LSAMP: variants seen among roughly 807,000 people sequenced by gnomAD.
The protein encoded by LSAMP is limbic system-associated membrane protein.
A neutral mutation model predicts 38.6 loss-of-function variants in LSAMP; 7 were observed. The observed-to-expected ratio is 0.18, with a 90% confidence interval of 0.10 to 0.34. The LOEUF (loss-of-function observed/expected upper bound fraction) is 0.34. Among genes scored for constraint, LSAMP ranks in the 10% least tolerant of loss-of-function variants. The probability of loss-of-function intolerance (pLI) is 1.00; values close to 1 mark genes in which losing one functional copy is unlikely to be tolerated. For synonymous variants in LSAMP, 154 were observed against 166.8 expected (o/e 0.92, Z 0.59); for missense variants, 313 against 420.0 (o/e 0.75, Z 2.23).
intron 1 of LSAMP, among the ~76,000 whole-genome samples, chr3:116,243,708 T>C (rs2046568906): frequency 6.6e-6 from 1 of 152,198 alleles, no homozygotes. Flanking sequence ...TGTGCAGCTA[T>C]CACCTTTATT....
chr3:116,251,096 C>T (rs2046678810), intron 1 of LSAMP, among the ~76,000 whole-genome samples: 2 of 152,114 alleles, frequency 1.3e-5, no homozygotes, highest in South Asian at 4.1e-4. Context: ...TATGCTGCCT[C>T]CTTGATAAGA....
At chr3:116,148,539 A>AC (rs2107524176) in intron 1 of LSAMP, among the ~76,000 whole-genome samples, 1 of 152,110 alleles carries the variant, frequency 6.6e-6, no homozygotes, top group African/African-American at 2.4e-5. Flanking sequence ...GGGGGCACAA[A>AC]CCAGTGATCA....
intron 3 of LSAMP, among the ~76,000 whole-genome samples, chr3:115,861,318 C>T (rs1576159441): frequency 1.3e-5 from 2 of 152,098 alleles, no homozygotes; most frequent in East Asian, 3.9e-4. Context: ...ACTCTCAGTG[C>T]CTGTTTCTTG....
At chr3:116,042,905 TC>T (rs1391445710) in intron 2 of LSAMP, among the ~76,000 whole-genome samples, 1 of 152,160 alleles carries the variant, frequency 6.6e-6, no homozygotes, top group Non-Finnish European at 1.5e-5. Flanking sequence ...TTCTAGAAAC[TC>T]CAGGAGTATA....
intron 3 of LSAMP, among the ~76,000 whole-genome samples, chr3:115,977,676 G>T (rs1239532345): frequency 6.7e-6 from 1 of 149,752 alleles, no homozygotes; most frequent in Non-Finnish European, 1.5e-5. Context: ...TATTGTCCAA[G>T]CTGGGTATAA....
chr3:115,993,851 T>A (rs957299205), intron 3 of LSAMP, among the ~76,000 whole-genome samples: 2 of 152,064 alleles, frequency 1.3e-5, no homozygotes, highest in Non-Finnish European at 2.9e-5. Context: ...AAAATGAGAA[T>A]GTTGATTTAT....
At chr3:115,837,102 C>A (rs140856975) in intron 6 of LSAMP, among the ~76,000 whole-genome samples, 16 of 152,264 alleles carry the variant, frequency 1.1e-4, no homozygotes, top group African/African-American at 3.6e-4. Flanking sequence ...AACAGCAAGC[C>A]TTTCCGATAA....
chr3:116,373,892 A>G (rs34419229), intron 1 of LSAMP, among the ~76,000 whole-genome samples: 18,178 of 151,904 alleles, frequency 0.12, 1,597 homozygotes, highest in African/African-American at 0.25. Context: ...TTTCTCACAT[A>G]TCAAGGCAAT....
chr3:116,110,773 C>A (rs1446793527), intron 1 of LSAMP, among the ~76,000 whole-genome samples: 1 of 152,144 alleles, frequency 6.6e-6, no homozygotes, highest in African/African-American at 2.4e-5. Flanking sequence ...CAAGGGAGGT[C>A]CCCCGATCCG....
intron 2 of LSAMP, among the ~76,000 whole-genome samples, chr3:116,060,198 G>GGT (rs1941568065): frequency 7.0e-6 from 1 of 141,996 alleles, no homozygotes; most frequent in African/African-American, 2.7e-5. Context: ...AAGCAACATA[G>GGT]TTTTTTTTTT....
At chr3:116,138,594 C>G (rs1311870532) in intron 1 of LSAMP, among the ~76,000 whole-genome samples, 1 of 151,944 alleles carries the variant, frequency 6.6e-6, no homozygotes, top group Non-Finnish European at 1.5e-5. Flanking sequence ...ATTCTAGGAG[C>G]AGCATTCAGG....
At chr3:116,213,257 A>C (rs982929633) in intron 1 of LSAMP, among the ~76,000 whole-genome samples, 1 of 152,150 alleles carries the variant, frequency 6.6e-6, no homozygotes, top group African/African-American at 2.4e-5. Context: ...TTGTAGGAGG[A>C]ACATAGTGGG....
intron 2 of LSAMP, among the ~76,000 whole-genome samples, chr3:116,030,303 C>A (rs1369215877): frequency 6.6e-6 from 1 of 152,096 alleles, no homozygotes; most frequent in Non-Finnish European, 1.5e-5. Context: ...GCAATAGGTG[C>A]ACTCTGTGTG....
intron 1 of LSAMP, among the ~76,000 whole-genome samples, chr3:116,097,514 A>G (rs1380217542): frequency 6.6e-6 from 1 of 152,248 alleles, no homozygotes; most frequent in African/African-American, 2.4e-5. Flanking sequence ...AATTCAGATC[A>G]AATTATGCCA....
At chr3:116,140,085 A>G (rs1253610188) in intron 1 of LSAMP, among the ~76,000 whole-genome samples, 1 of 152,036 alleles carries the variant, frequency 6.6e-6, no homozygotes, top group Non-Finnish European at 1.5e-5. Flanking sequence ...GACCTCTCAA[A>G]ATAAGAAATG....
chr3:116,366,903 C>T (rs1451841932), intron 1 of LSAMP, among the ~76,000 whole-genome samples: 6 of 152,214 alleles, frequency 3.9e-5, no homozygotes, highest in East Asian at 1.9e-4. Context: ...CCTGAGCCAC[C>T]GCATTGCCTA....
At chr3:116,168,227 A>AT (rs150916317) in intron 1 of LSAMP, among the ~76,000 whole-genome samples, 151 of 151,728 alleles carry the variant, frequency 1.0e-3, no homozygotes, top group African/African-American at 3.3e-3. Flanking sequence ...TATTATTATT[A>AT]TTTTTTTTTT....
intron 1 of LSAMP, among the ~76,000 whole-genome samples, chr3:116,351,079 CT>C (rs879488463): frequency 3.9e-4 from 59 of 150,696 alleles, no homozygotes; most frequent in Non-Finnish European, 5.3e-4. Context: ...AAAGAAACCT[CT>C]TTTTTTTTCA....
At chr3:116,121,080 G>T (rs1708864796) in intron 1 of LSAMP, among the ~76,000 whole-genome samples, 1 of 152,194 alleles carries the variant, frequency 6.6e-6, no homozygotes, top group Non-Finnish European at 1.5e-5. Context: ...AACATCTTCA[G>T]TTTTTTCATC....
Sources: allele counts gnomAD v4.1 joint callset (sites outside exome capture counted in the v4.1 genomes callset), GRCh38; gene constraint gnomAD v4.1.1; transcripts MANE v1.5; gene names NCBI Gene and HGNC (gene_info 2026-07-23, HGNC 2026-07-21).